Variants in FYN observed in about 807,000 individuals in gnomAD.
The protein encoded by FYN is tyrosine-protein kinase Fyn.
Under a neutral mutation model 70.2 loss-of-function variants are expected in FYN, and 10 were observed. That is an observed-to-expected ratio of 0.14 (90% CI 0.09 to 0.24). The LOEUF (loss-of-function observed/expected upper bound fraction) is 0.24, where lower values mean the gene tolerates loss of function less well. Among genes scored for constraint, FYN ranks in the 10% least tolerant of loss-of-function variants. The probability of loss-of-function intolerance (pLI) is 1.00; values close to 1 mark genes in which losing one functional copy is unlikely to be tolerated. For synonymous variants in FYN, 236 were observed against 248.6 expected, an observed-to-expected ratio of 0.95 and a Z score of 0.48; for missense variants, 319 against 673.1, an observed-to-expected ratio of 0.47 and a Z score of 5.82.
chr6:111,783,614 T>G (rs1327051502), intron 2 of FYN, among the ~76,000 whole-genome samples: 2 of 152,222 alleles, frequency 1.3e-5, no homozygotes, highest in African/African-American at 4.8e-5. Flanking sequence ...TTAATACATA[T>G]CACAGACTAT....
chr6:111,735,036 G>T (rs1801649124), intron 3 of FYN, among the ~76,000 whole-genome samples: 1 of 152,252 alleles, frequency 6.6e-6, no homozygotes, highest in East Asian at 1.9e-4. Context: ...TTGAGAAAGT[G>T]ACTGGATATT....
At chr6:111,846,167 C>T (rs1458571423) in intron 2 of FYN, among the ~76,000 whole-genome samples, 1 of 152,208 alleles carries the variant, frequency 6.6e-6, no homozygotes, top group South Asian at 2.1e-4. Context: ...AGGTGAGCAG[C>T]AGCCATCTGA....
chr6:111,834,266 G>C (rs980004193), intron 2 of FYN, among the ~76,000 whole-genome samples: 32 of 152,074 alleles, frequency 2.1e-4, no homozygotes, highest in African/African-American at 7.0e-4. Context: ...GGATGAGTAA[G>C]AGGATTGTTT....
chr6:111,693,651 T>A (rs930893631), intron 12 of FYN, among the ~76,000 whole-genome samples: 1 of 152,116 alleles, frequency 6.6e-6, no homozygotes, highest in African/African-American at 2.4e-5. Flanking sequence ...GCGGGGATGA[T>A]GAAAGGAGGT....
At chr6:111,821,831 A>C (rs1583470845) in intron 2 of FYN, among the ~76,000 whole-genome samples, 1 of 152,242 alleles carries the variant, frequency 6.6e-6, no homozygotes, top group East Asian at 1.9e-4. Flanking sequence ...ATATGAACAG[A>C]CACTTCTCAA....
intron 13 of FYN, among the ~76,000 whole-genome samples, chr6:111,673,610 G>A (rs1798394235): frequency 1.1e-5 from 1 of 94,572 alleles, no homozygotes; most frequent in South Asian, 3.5e-4. Flanking sequence ...CGTCACTATC[G>A]TTTCTATCAT....
intron 8 of FYN, among the ~76,000 whole-genome samples, chr6:111,700,557 C>T (rs1799786745): frequency 6.6e-6 from 1 of 152,168 alleles, no homozygotes; most frequent in South Asian, 2.1e-4. Context: ...ACTCCATGAG[C>T]CCAGGTACGA....
intron 3 of FYN, among the ~76,000 whole-genome samples, chr6:111,727,893 C>T (rs1801263586): frequency 6.6e-6 from 1 of 152,176 alleles, no homozygotes; most frequent in Admixed American, 6.5e-5. Flanking sequence ...GGCTAAGAGG[C>T]AGCTGCTCAC....
intron 3 of FYN, among the ~76,000 whole-genome samples, chr6:111,750,205 G>A (rs991084846): frequency 2.6e-5 from 4 of 152,180 alleles, no homozygotes; most frequent in African/African-American, 9.7e-5. Context: ...AACTTTGGAG[G>A]TGAGGCCTGG....
intron 2 of FYN, among the ~76,000 whole-genome samples, chr6:111,827,173 C>A (rs1228552160): frequency 6.6e-6 from 1 of 152,090 alleles, no homozygotes. Context: ...AAAGTAAAGT[C>A]TCATAATAAT....
At chr6:111,814,510 G>A (rs988729689) in intron 2 of FYN, among the ~76,000 whole-genome samples, 2 of 151,888 alleles carry the variant, frequency 1.3e-5, no homozygotes, top group South Asian at 4.2e-4. Context: ...CTATGCTAAT[G>A]AAAAGTTGGA....
intron 2 of FYN, among the ~76,000 whole-genome samples, chr6:111,787,326 C>T (rs1286591649): frequency 6.6e-6 from 1 of 152,138 alleles, no homozygotes; most frequent in Admixed American, 6.5e-5. Flanking sequence ...ATAGGGAATC[C>T]TTTCCCCATT....
chr6:111,857,559 C>T (rs1773854754), intron 1 of FYN, among the ~76,000 whole-genome samples: 1 of 152,140 alleles, frequency 6.6e-6, no homozygotes, highest in African/African-American at 2.4e-5. Flanking sequence ...AAAGTTTAAG[C>T]AGTTAAAATA....
intron 1 of FYN, among the ~76,000 whole-genome samples, chr6:111,872,651 G>C (rs1774316515): frequency 6.6e-6 from 1 of 152,078 alleles, no homozygotes; most frequent in Non-Finnish European, 1.5e-5. Flanking sequence ...GCCCCAAAAG[G>C]AGGGCGGGGG....
rs1230711300 is a variant in FYN, at chr6:111,816,619, A to G, written c.-82+29970T>C. On this transcript the variant is annotated intron_variant, in intron 2 of 13. Transcript: ENST00000354650. Reference sequence around the variant, plus strand: ...TCAAAGAAATATAAGTTAAAATTGCAGAGTATCATTTTTCACGTATCAAGT... The same window carrying G: ...TCAAAGAAATATAAGTTAAAATTGCGGAGTATCATTTTTCACGTATCAAGT... Among the ~76,000 whole-genome samples the G allele has an allele frequency of 2.6e-5, 4 of 152,366 alleles. No individual in the cohort carries two copies. The South Asian group carries it at 8.3e-4, about 32-fold the overall frequency.
At chr6:111,667,749 T>C (rs912190178) in intron 13 of FYN, among the ~76,000 whole-genome samples, 1 of 152,246 alleles carries the variant, frequency 6.6e-6, no homozygotes, top group South Asian at 2.1e-4. Context: ...ATGTCTTTTA[T>C]GAAAGAAGAG....
chr6:111,707,791 G>C, intron 6 of FYN, 131 bp downstream of exon 6: 2 of 675,026 alleles, frequency 3.0e-6, no homozygotes, highest in Non-Finnish European at 5.2e-6. Flanking sequence ...AACCGGGGCA[G>C]AAAGCCTGAA....
chr6:111,680,151 G>A (rs1411710472), intron 12 of FYN, among the ~76,000 whole-genome samples: 1 of 152,128 alleles, frequency 6.6e-6, no homozygotes, highest in Non-Finnish European at 1.5e-5. Context: ...AGTTATCAAA[G>A]TTTGTCCACA....
chr6:111,749,663 T>G (rs1206607489), intron 3 of FYN, among the ~76,000 whole-genome samples: 2 of 152,228 alleles, frequency 1.3e-5, no homozygotes. Context: ...AGGCAAATTA[T>G]ATACTTTTTG....
Sources: allele counts gnomAD v4.1 joint callset (sites outside exome capture counted in the v4.1 genomes callset), GRCh38; gene constraint gnomAD v4.1.1; transcripts MANE v1.5; gene names NCBI Gene and HGNC (gene_info 2026-07-23, HGNC 2026-07-21).